Variants in TMEM132C observed in about 807,000 individuals in gnomAD.
TMEM132C encodes the protein transmembrane protein 132C.
A neutral mutation model predicts 61.4 loss-of-function variants in TMEM132C; 29 were observed. That is an observed-to-expected ratio of 0.47 (90% CI 0.35 to 0.64). TMEM132C has a LOEUF of 0.64. TMEM132C is among the 30% of genes least tolerant of loss of function. The pLI, the probability that TMEM132C is intolerant of heterozygous loss-of-function variation, is 0.00. For missense variants in TMEM132C, 1,408 were observed against 1,476.9 expected (o/e 0.95, Z 0.76); for synonymous variants, 656 against 633.1 (o/e 1.04, Z -0.54).
At chr12:128,635,708 T>C (rs1012735405) in intron 4 of TMEM132C, among the ~76,000 whole-genome samples, 5 of 152,168 alleles carry the variant, frequency 3.3e-5, no homozygotes, top group South Asian at 4.1e-4. Context: ...CAGCAGAACA[T>C]TGTAAGAGCC....
At chr12:128,633,232 C>A in intron 4 of TMEM132C, among the ~76,000 whole-genome samples, 1 of 152,170 alleles carries the variant, frequency 6.6e-6, no homozygotes, top group Non-Finnish European at 1.5e-5. Flanking sequence ...GGCTGCAGAG[C>A]CTTTTATGAC....
At chr12:128,691,391 A>G (rs920832959) in intron 5 of TMEM132C, among the ~76,000 whole-genome samples, 3 of 152,228 alleles carry the variant, frequency 2.0e-5, no homozygotes, top group Non-Finnish European at 4.4e-5. Context: ...AGGCATCCCC[A>G]TGAAGGGAAG....
At chr12:128,442,173 CCTGT>C (rs1360288002) in intron 2 of TMEM132C, among the ~76,000 whole-genome samples, 7 of 152,142 alleles carry the variant, frequency 4.6e-5, no homozygotes, top group African/African-American at 2.4e-5. Flanking sequence ...CAGTCCCCTC[CCTGT>C]CTGTTTAGCC....
chr12:128,469,353 A>G (rs1327402892), intron 2 of TMEM132C, among the ~76,000 whole-genome samples: 1 of 138,978 alleles, frequency 7.2e-6, no homozygotes, highest in Non-Finnish European at 1.5e-5. Context: ...TTTTGACAGG[A>G]TCTCACTCTG....
chr12:128,464,838 A>G (rs985221199), intron 2 of TMEM132C, among the ~76,000 whole-genome samples: 1 of 142,298 alleles, frequency 7.0e-6, no homozygotes, highest in African/African-American at 2.7e-5. Context: ...AATACAAAAT[A>G]TAACACAGAT....
chr12:128,579,656 A>G (rs1346546756), intron 3 of TMEM132C, among the ~76,000 whole-genome samples: 1 of 152,224 alleles, frequency 6.6e-6, no homozygotes, highest in Non-Finnish European at 1.5e-5. Flanking sequence ...GGTGATCTAC[A>G]AAAGGCCCAC....
At chr12:128,390,100 G>A (rs1277788221) in intron 1 of TMEM132C, among the ~76,000 whole-genome samples, 3 of 152,102 alleles carry the variant, frequency 2.0e-5, no homozygotes, top group African/African-American at 7.2e-5. Context: ...CAAATGCATG[G>A]GCTCAAGTGA....
intron 1 of TMEM132C, among the ~76,000 whole-genome samples, chr12:128,383,587 A>G (rs1031820902): frequency 6.6e-6 from 1 of 152,140 alleles, no homozygotes; most frequent in Admixed American, 6.5e-5. Context: ...TCATCTTATC[A>G]TTCCTAAGTT....
At position 128,706,103 on chromosome 12, in the gene TMEM132C, C is replaced by G; in HGVS notation, c.3135C>G (p.His1045Gln). The change falls in exon 9 of 9, where the codon CAC becomes CAG. Residue 1045 changes from histidine to glutamine, a missense_variant. Physicochemically the swap from His to Gln is conservative, Grantham distance 24. Transcript: ENST00000435159. ...QGREQKQDPL[H>Q]SPTSKRKKVK... The stretch of plus-strand genomic sequence containing the variant: ...GAGAACAGAAGCAGGACCCCCTGCA[C>G]TCGCCCACCTCCAAGAGGAAGAAGG... 6 of 1,551,594 alleles carry G rather than the reference C, an allele frequency of 3.9e-6. No individual in the cohort carries two copies. The highest frequency in any genetic ancestry group is 5.2e-6 in the Non-Finnish European group (6 of 1,146,874).
intron 2 of TMEM132C, among the ~76,000 whole-genome samples, chr12:128,533,223 A>G (rs1190354740): frequency 6.6e-6 from 1 of 152,134 alleles, no homozygotes; most frequent in Non-Finnish European, 1.5e-5. Context: ...GCTTAGTGCA[A>G]TGGGACCCTA....
intron 4 of TMEM132C, among the ~76,000 whole-genome samples, chr12:128,619,826 GA>G (rs1276332031): frequency 6.6e-6 from 1 of 152,104 alleles, no homozygotes; most frequent in Non-Finnish European, 1.5e-5. Context: ...TTCAATGTAA[GA>G]AAAAAGGGTT....
At chr12:128,380,206 C>G (rs1260087756) in intron 1 of TMEM132C, among the ~76,000 whole-genome samples, 1 of 152,246 alleles carries the variant, frequency 6.6e-6, no homozygotes, top group African/African-American at 2.4e-5. Flanking sequence ...TCTATTCTGT[C>G]TATTGTTCTG....
chr12:128,473,310 TCCAGC>T (rs1871021469), intron 2 of TMEM132C, among the ~76,000 whole-genome samples: 2 of 12,954 alleles, frequency 1.5e-4, no homozygotes, highest in African/African-American at 2.4e-4. Context: ...TCATCTTCAC[TCCAGC>T]CTCTATCTTC....
At chr12:128,669,388 G>T in intron 4 of TMEM132C, 29 bp from the exon 5 acceptor site, 1 of 1,550,584 alleles carries the variant, frequency 6.4e-7, no homozygotes, top group South Asian at 1.2e-5. Context: ...TATCTCCCTT[G>T]ACCCAGTGTG....
chr12:128,422,449 A>C (rs1460819660), intron 2 of TMEM132C, among the ~76,000 whole-genome samples: 1 of 152,188 alleles, frequency 6.6e-6, no homozygotes, highest in Non-Finnish European at 1.5e-5. Flanking sequence ...ATCCTCTCCA[A>C]CTTAAAATAA....
At chr12:128,452,176 C>T (rs1264473561) in intron 2 of TMEM132C, among the ~76,000 whole-genome samples, 2 of 152,016 alleles carry the variant, frequency 1.3e-5, no homozygotes, top group Admixed American at 1.3e-4. Context: ...TCACTGCATC[C>T]TTCACTTCCC....
At chr12:128,585,379 G>A (rs1593109414) in intron 3 of TMEM132C, among the ~76,000 whole-genome samples, 1 of 152,312 alleles carries the variant, frequency 6.6e-6, no homozygotes, top group South Asian at 2.1e-4. Flanking sequence ...GCAGGAGTGT[G>A]TCCTGGAGTG....
At chr12:128,598,141 G>A (rs906891387) in intron 3 of TMEM132C, among the ~76,000 whole-genome samples, 1 of 152,218 alleles carries the variant, frequency 6.6e-6, no homozygotes, top group Non-Finnish European at 1.5e-5. Flanking sequence ...AGGAGGCTGG[G>A]CACGGTGGTT....
intron 1 of TMEM132C, among the ~76,000 whole-genome samples, chr12:128,295,707 C>T (rs895350232): frequency 1.3e-5 from 2 of 151,380 alleles, no homozygotes; most frequent in African/African-American, 4.9e-5. Context: ...AATAAGAGCC[C>T]CACATAAAAT....
Sources: allele counts gnomAD v4.1 joint callset (sites outside exome capture counted in the v4.1 genomes callset), GRCh38; gene constraint gnomAD v4.1.1; transcripts MANE v1.5; gene names NCBI Gene and HGNC (gene_info 2026-07-23, HGNC 2026-07-21).